DPH6: variants seen among roughly 807,000 people sequenced by gnomAD.
DPH6 encodes the protein diphthine--ammonia ligase.
A neutral mutation model predicts 38.2 loss-of-function variants in DPH6; 33 were observed. The observed-to-expected ratio is 0.86, with a 90% CI of 0.65 to 1.15. The LOEUF is 1.15. Among genes scored for constraint, DPH6 ranks in the 50% most tolerant of loss-of-function variants. The pLI, the probability that DPH6 is intolerant of heterozygous loss-of-function variation, is 0.00. For synonymous variants in DPH6, 108 were observed against 103.0 expected, an observed-to-expected ratio of 1.05 and a Z score of -0.30; for missense variants, 325 against 320.0, an observed-to-expected ratio of 1.02 and a Z score of -0.12.
At chr15:35,468,693 G>C (rs982244994) in intron 3 of DPH6, among the ~76,000 whole-genome samples, 1 of 151,918 alleles carries the variant, frequency 6.6e-6, no homozygotes, top group Non-Finnish European at 1.5e-5. Context: ...GAAAAAACAA[G>C]AAGGGGAAAA....
the DPH6 span, among the ~76,000 whole-genome samples, chr15:35,155,576 C>A: frequency 6.6e-6 from 1 of 152,220 alleles, no homozygotes; most frequent in Non-Finnish European, 1.5e-5. Context: ...GGAGACTACG[C>A]ATCTCCAGGC....
At chr15:35,503,712 T>C (rs2054656511) in intron 3 of DPH6, among the ~76,000 whole-genome samples, 1 of 152,156 alleles carries the variant, frequency 6.6e-6, no homozygotes, top group Admixed American at 6.6e-5. Context: ...CATATCTAAA[T>C]GTCTCTCATC....
At chr15:35,306,585 C>T (rs529797607) in intron 3 of DPH6, among the ~76,000 whole-genome samples, 1 of 152,330 alleles carries the variant, frequency 6.6e-6, no homozygotes, top group Admixed American at 6.5e-5. Flanking sequence ...TGCCTTAACA[C>T]AAATTGTACC....
intron 3 of DPH6, among the ~76,000 whole-genome samples, chr15:35,356,335 T>C (rs1467668291): frequency 1.3e-5 from 2 of 152,228 alleles, no homozygotes; most frequent in African/African-American, 4.8e-5. Flanking sequence ...AGGAGCTGCA[T>C]TCCTTTGAAG....
downstream of DPH6, chr15:35,366,045 A>C: frequency 1.0e-6 from 1 of 978,232 alleles, no homozygotes; most frequent in Non-Finnish European, 1.2e-6. Flanking sequence ...AAAAGTCATC[A>C]TTTATCTTCT....
intron 3 of DPH6, among the ~76,000 whole-genome samples, chr15:35,274,122 C>A (rs949216162): frequency 6.6e-6 from 1 of 152,136 alleles, no homozygotes; most frequent in African/African-American, 2.4e-5. Flanking sequence ...ATCTGATCTT[C>A]AACTAACCTG....
chr15:35,254,739 G>GGTGCC (rs1371801743), intron 3 of DPH6, among the ~76,000 whole-genome samples: 1 of 152,144 alleles, frequency 6.6e-6, no homozygotes, highest in African/African-American at 2.4e-5. Flanking sequence ...ATTTCACCTG[G>GGTGCC]GTGCAGGTGG....
chr15:35,519,170 C>G (rs927436892), intron 3 of DPH6: 3 of 151,198 alleles, frequency 2.0e-5, no homozygotes, highest in African/African-American at 7.3e-5. Flanking sequence ...AAAAAGGTAA[C>G]CAAAAAGAGA....
intron 3 of DPH6, among the ~76,000 whole-genome samples, chr15:35,359,932 T>C (rs1288539921): frequency 6.6e-6 from 1 of 152,184 alleles, no homozygotes; most frequent in Non-Finnish European, 1.5e-5. Context: ...CTTCAGTAGT[T>C]GTCTATCTTT....
chr15:35,289,704 G>A (rs1471308835), intron 3 of DPH6, among the ~76,000 whole-genome samples: 1 of 152,176 alleles, frequency 6.6e-6, no homozygotes, highest in Admixed American at 6.5e-5. Flanking sequence ...TTTGCTGAAA[G>A]CAAATAACTC....
At chr15:35,522,968 A>G (rs546280502) in intron 3 of DPH6, among the ~76,000 whole-genome samples, 4 of 152,196 alleles carry the variant, frequency 2.6e-5, no homozygotes, top group Admixed American at 2.0e-4. Context: ...CACTGTATAG[A>G]TATGTCATAA....
chr15:35,529,814 T>C (rs1479806641), intron 3 of DPH6, among the ~76,000 whole-genome samples: 1 of 151,970 alleles, frequency 6.6e-6, no homozygotes, highest in Non-Finnish European at 1.5e-5. Flanking sequence ...AACTAAGACA[T>C]TTATTCAACT....
chr15:35,275,000 T>C (rs112159991), intron 3 of DPH6, among the ~76,000 whole-genome samples: 4,605 of 151,978 alleles, frequency 0.03, 201 homozygotes, highest in African/African-American at 0.1. Context: ...CTGCAAGCTC[T>C]GCCTCCCGGG....
chr15:35,318,690 G>C (rs1276863622), intron 3 of DPH6, among the ~76,000 whole-genome samples: 2 of 152,062 alleles, frequency 1.3e-5, no homozygotes, highest in Non-Finnish European at 2.9e-5. Flanking sequence ...CCTAAACTAA[G>C]ACTACAACAC....
chr15:35,300,835 G>GCA (rs1275779113), intron 3 of DPH6, among the ~76,000 whole-genome samples: 1 of 152,032 alleles, frequency 6.6e-6, no homozygotes, highest in Non-Finnish European at 1.5e-5. Context: ...AAGCTTACAG[G>GCA]CACACATGGC....
intron 3 of DPH6, among the ~76,000 whole-genome samples, chr15:35,268,194 A>C (rs890493289): frequency 6.7e-6 from 1 of 149,346 alleles, no homozygotes; most frequent in Non-Finnish European, 1.5e-5. Context: ...TAAATAAATA[A>C]ATAAATAAAT....
intron 7 of DPH6, among the ~76,000 whole-genome samples, chr15:35,374,964 C>G (rs1043521723): frequency 2.0e-5 from 3 of 152,078 alleles, no homozygotes; most frequent in African/African-American, 7.2e-5. Context: ...GCTCTTTAAT[C>G]AAACCTCAAT....
intron 3 of DPH6, among the ~76,000 whole-genome samples, chr15:35,479,017 A>C (rs1308045272): frequency 6.6e-6 from 1 of 152,138 alleles, no homozygotes; most frequent in Non-Finnish European, 1.5e-5. Flanking sequence ...CATAATGGGC[A>C]GTAGCTATGA....
Position 35,482,610 on chromosome 15 carries a change from T to C in DPH6, c.313-27790A>G, listed in dbSNP as rs539674853. Among the ~76,000 whole-genome samples, 128 of 152,242 alleles carry C rather than the reference T, an allele frequency of 8.4e-4. 3 individuals are homozygous for C. In the South Asian group the frequency reaches 0.024, roughly 29 times the overall value. ...TGACAAAGGTTCCAAGGCAATTCAA[T>C]GGGGAAAGGATAGTTTTTCAACAAA... On this transcript the variant is annotated intron_variant, in intron 3 of 8. Coordinates refer to ENST00000256538, the MANE Select transcript of DPH6 (RefSeq NM_080650.4).
Sources: gnomAD v4.1 joint callset for allele counts (sites outside exome capture counted in the v4.1 genomes callset) on GRCh38, gnomAD v4.1.1 for gene constraint, MANE v1.5 for transcripts, NCBI Gene and HGNC (gene_info 2026-07-23, HGNC 2026-07-21) for gene names.